The following NCAPD3 variants were observed in gnomAD, a reference collection of about 807,000 sequenced individuals.
NCAPD3 encodes non-SMC condensin II complex subunit D3.
Under a neutral mutation model 182.9 loss-of-function variants are expected in NCAPD3, and 105 were observed. That is an observed-to-expected ratio of 0.57 (90% CI 0.49 to 0.68). NCAPD3 has a LOEUF of 0.68. Among genes scored for constraint, NCAPD3 ranks in the 30% least tolerant of loss-of-function variants. NCAPD3 has a pLI of 0.00. For missense variants in NCAPD3, 1,944 were observed against 1,837.0 expected (o/e 1.06, Z -1.07); for synonymous variants, 815 against 679.9 (o/e 1.20, Z -3.09).
chr11:134,178,152 T>C (rs1944214602), intron 22 of NCAPD3: 1 of 152,474 alleles, frequency 6.6e-6, no homozygotes, highest in African/African-American at 2.4e-5. Context: ...GAGAAATATG[T>C]AAATAGTCAT....
At chr11:134,168,274 G>C in intron 26 of NCAPD3, 79 bp from the exon 27 acceptor site, 1 of 1,469,800 alleles carries the variant, frequency 6.8e-7, no homozygotes, top group African/African-American at 1.4e-5. Context: ...TCCCACAACT[G>C]GGGGGCCATC....
intron 20 of NCAPD3, among the ~76,000 whole-genome samples, chr11:134,179,961 C>CA (rs1944258991): frequency 6.7e-6 from 1 of 150,304 alleles, no homozygotes. Context: ...GTATATAGGG[C>CA]AAAACCTCTC....
intron 29 of NCAPD3, among the ~76,000 whole-genome samples, chr11:134,158,958 TATA>T (rs1943505830): frequency 6.6e-6 from 1 of 152,214 alleles, no homozygotes; most frequent in African/African-American, 2.4e-5. Flanking sequence ...TTTCACTTAA[TATA>T]ATGTCTTCCA....
chr11:134,206,806 G>A (rs1391364936), intron 7 of NCAPD3, 74 bp from the exon 8 acceptor site: 1 of 1,458,156 alleles, frequency 6.9e-7, no homozygotes, highest in African/African-American at 1.4e-5. Flanking sequence ...GATGCAGACT[G>A]TAGTAAACCA....
intron 2 of NCAPD3, 79 bp from the exon 3 acceptor site, chr11:134,217,177 C>T: frequency 7.4e-7 from 1 of 1,344,216 alleles, no homozygotes; most frequent in Non-Finnish European, 9.9e-7. Flanking sequence ...TTTGTAAGTT[C>T]TTGGTGCCTT....
Position 134,168,107 on chromosome 11 carries a change from G to T in NCAPD3, c.3462C>A (p.Ile1154=), listed in dbSNP as rs200428556. ...GTTTAGATCTCATTGCCAAAAGCTT[G>T]ATCTCCTTTGAGCTGAGGACCTCAA... ...DTFEVLSSKE[I]KLLAMRSKPD... is the part of the protein sequence containing the mutation. The change falls in exon 27 of 35, where the codon ATC becomes ATA. Residue 1154 remains isoleucine, a synonymous_variant. Coordinates refer to ENST00000534548, the MANE Select transcript of NCAPD3 (RefSeq NM_015261.3). The T allele has an allele frequency of 1.2e-6, 2 of 1,613,988 alleles. No homozygotes were observed. The highest frequency in any genetic ancestry group is 2.2e-5 in the East Asian group (1 of 44,904).
chr11:134,175,651 C>A (rs1264261571), intron 24 of NCAPD3, among the ~76,000 whole-genome samples: 1 of 152,170 alleles, frequency 6.6e-6, no homozygotes, highest in Non-Finnish European at 1.5e-5. Context: ...ATTCTACTTT[C>A]CAACTGCAGA....
At chr11:134,188,318 T>A (rs141661057) in intron 16 of NCAPD3, among the ~76,000 whole-genome samples, 1 of 152,126 alleles carries the variant, frequency 6.6e-6, no homozygotes, top group Non-Finnish European at 1.5e-5. Context: ...AGCTACAGGA[T>A]TGTAAATGCA....
At chr11:134,207,603 C>T (rs1937653035) in intron 7 of NCAPD3, among the ~76,000 whole-genome samples, 1 of 151,922 alleles carries the variant, frequency 6.6e-6, no homozygotes, top group South Asian at 2.1e-4. Context: ...ATTAGCTGGG[C>T]ATGGTGGCGC....
At chr11:134,202,126 G>A (rs1223990433) in intron 13 of NCAPD3, among the ~76,000 whole-genome samples, 3 of 152,200 alleles carry the variant, frequency 2.0e-5, no homozygotes, top group African/African-American at 7.2e-5. Flanking sequence ...CATCGGGAAG[G>A]ACCAGATCAA....
chr11:134,200,142 C>A (rs887755360), intron 13 of NCAPD3, among the ~76,000 whole-genome samples: 3 of 152,056 alleles, frequency 2.0e-5, no homozygotes, highest in African/African-American at 7.2e-5. Context: ...AACTATAAAA[C>A]CCTTAGAAGA....
At chr11:134,177,737 G>A (rs1014221839) in intron 22 of NCAPD3, 11 of 418,448 alleles carry the variant, frequency 2.6e-5, no homozygotes, top group East Asian at 2.1e-4. Flanking sequence ...TTTGAATTTC[G>A]CAGTTATCCC....
chr11:134,179,640 C>T (rs1944251519), intron 20 of NCAPD3, among the ~76,000 whole-genome samples: 1 of 152,174 alleles, frequency 6.6e-6, no homozygotes. Flanking sequence ...AAAGCTATTT[C>T]ACATTTTGAA....
At chr11:134,193,475 G>A (rs1325115421) in intron 15 of NCAPD3, among the ~76,000 whole-genome samples, 1 of 152,274 alleles carries the variant, frequency 6.6e-6, no homozygotes, top group Non-Finnish European at 1.5e-5. Flanking sequence ...GAAAAGGGCC[G>A]GGTGCAGTCA....
At chr11:134,167,014 C>G (rs1943842476) in intron 27 of NCAPD3, among the ~76,000 whole-genome samples, 1 of 113,658 alleles carries the variant, frequency 8.8e-6, no homozygotes. Context: ...GAGCTGCACA[C>G]TCACTAGTGA....
intron 15 of NCAPD3, among the ~76,000 whole-genome samples, chr11:134,193,810 G>A (rs1442683265): frequency 6.6e-6 from 1 of 152,162 alleles, no homozygotes; most frequent in East Asian, 1.9e-4. Context: ...GCATTCTCTA[G>A]CATTAGTTCC....
At chr11:134,172,371 C>T (rs1944027653) in intron 24 of NCAPD3, among the ~76,000 whole-genome samples, 1 of 152,224 alleles carries the variant, frequency 6.6e-6, no homozygotes, top group Non-Finnish European at 1.5e-5. Flanking sequence ...TGGAGATCAA[C>T]TGATGACTAC....
At chr11:134,202,706 G>C (rs1944774005) in intron 13 of NCAPD3, 110 bp downstream of exon 13, 1 of 798,288 alleles carries the variant, frequency 1.3e-6, no homozygotes, top group South Asian at 2.0e-5. Flanking sequence ...TCAACTCTTA[G>C]GGGTGAATAA....
chr11:134,202,924 A>C lies in NCAPD3; in HGVS notation c.1526-19T>G. On this transcript the variant is annotated intron_variant, in intron 12 of 34. Transcript: ENST00000534548. Reference sequence around the variant, plus strand: ...GAAAAAGCTTTAAAAAAAAAATTACAGTCATTAAGCTAAAAATGTGTTATA... The same window carrying C: ...GAAAAAGCTTTAAAAAAAAAATTACCGTCATTAAGCTAAAAATGTGTTATA... 1 of 1,565,592 alleles carries C rather than the reference A, an allele frequency of 6.4e-7. No homozygotes were observed. The highest frequency in any genetic ancestry group is 8.7e-7 in the Non-Finnish European group (1 of 1,148,614).
Sources: allele counts gnomAD v4.1 joint callset (sites outside exome capture counted in the v4.1 genomes callset), GRCh38; gene constraint gnomAD v4.1.1; transcripts MANE v1.5; gene names NCBI Gene and HGNC (gene_info 2026-07-23, HGNC 2026-07-21).